Variants in GLIS3 observed in about 807,000 individuals in gnomAD.
GLIS3 encodes zinc finger protein GLIS3.
GLIS3 carries 53 observed loss-of-function variants against 78.6 expected under a neutral mutation model. The ratio of observed to expected loss-of-function variants is 0.67; its 90% CI spans 0.54 to 0.85. The LOEUF (loss-of-function observed/expected upper bound fraction) is 0.85. Ranked by LOEUF, GLIS3 falls within the 40% of genes least tolerant of loss-of-function variation. The probability of loss-of-function intolerance (pLI) is 0.00; values close to 1 mark genes in which losing one functional copy is unlikely to be tolerated. For synonymous variants in GLIS3, 684 were observed against 509.9 expected (o/e 1.34, Z -4.60); for missense variants, 1,703 against 1,231.1 (o/e 1.38, Z -5.74).
intron 2 of GLIS3, among the ~76,000 whole-genome samples, chr9:4,159,030 GAAGAAAAA>G (rs763739364): frequency 5.8e-4 from 46 of 79,100 alleles, no homozygotes; most frequent in Non-Finnish European, 9.1e-4. Flanking sequence ...GAAAGGAGAA[GAAGAAAAA>G]AAAAAAAAAA....
intron 2 of GLIS3, among the ~76,000 whole-genome samples, chr9:4,174,221 C>T (rs1816629966): frequency 1.3e-5 from 2 of 152,132 alleles, no homozygotes; most frequent in Admixed American, 1.3e-4. Context: ...CTTCATATTA[C>T]AATAAGCTGC....
chr9:3,983,318 G>A (rs963263260), intron 4 of GLIS3, among the ~76,000 whole-genome samples: 3 of 152,146 alleles, frequency 2.0e-5, no homozygotes, highest in Non-Finnish European at 4.4e-5. Flanking sequence ...GGAACTGTAA[G>A]TCCATTAAAC....
chr9:4,126,041 A>G, intron 2 of GLIS3, 100 bp from the exon 3 acceptor site: 2 of 895,776 alleles, frequency 2.2e-6, no homozygotes, highest in East Asian at 2.6e-5. Flanking sequence ...CTTTAGAGAC[A>G]GTCCTCAGAT....
At chr9:3,954,252 C>G (rs1816936063) in intron 4 of GLIS3, among the ~76,000 whole-genome samples, 1 of 152,176 alleles carries the variant, frequency 6.6e-6, no homozygotes, top group African/African-American at 2.4e-5. Context: ...TATGGTTTGT[C>G]ACTTAACACA....
At chr9:4,035,683 G>C (rs1415876595) in intron 4 of GLIS3, among the ~76,000 whole-genome samples, 1 of 151,912 alleles carries the variant, frequency 6.6e-6, no homozygotes, top group Non-Finnish European at 1.5e-5. Context: ...CACGGGTCAG[G>C]GATGGCCCCT....
intron 4 of GLIS3, among the ~76,000 whole-genome samples, chr9:3,951,629 G>A (rs973855239): frequency 4.6e-5 from 7 of 151,774 alleles, no homozygotes; most frequent in Admixed American, 1.3e-4. Flanking sequence ...GGGACCGACC[G>A]GTCCTCCTTA....
At chr9:4,160,153 G>T (rs1307634427) in intron 2 of GLIS3, among the ~76,000 whole-genome samples, 2 of 152,160 alleles carry the variant, frequency 1.3e-5, no homozygotes, top group Admixed American at 6.6e-5. Flanking sequence ...TCCGAAATTG[G>T]TCTATTTTGC....
At chr9:4,202,111 C>G (rs975787969) in intron 2 of GLIS3, among the ~76,000 whole-genome samples, 1 of 151,188 alleles carries the variant, frequency 6.6e-6, no homozygotes, top group African/African-American at 2.4e-5. Flanking sequence ...ACAGTATAGC[C>G]TGGGTGACAG....
At chr9:3,891,263 C>T (rs1248843932) in intron 7 of GLIS3, among the ~76,000 whole-genome samples, 1 of 152,138 alleles carries the variant, frequency 6.6e-6, no homozygotes, top group African/African-American at 2.4e-5. Flanking sequence ...CTCTTTATGT[C>T]ATTTAATCCA....
At chr9:4,079,795 A>G (rs1828394855) in intron 4 of GLIS3, among the ~76,000 whole-genome samples, 1 of 152,162 alleles carries the variant, frequency 6.6e-6, no homozygotes, top group African/African-American at 2.4e-5. Flanking sequence ...GGTTGCTGTA[A>G]TCATTCAAAG....
At chr9:4,105,313 T>C (rs1412241291) in intron 4 of GLIS3, among the ~76,000 whole-genome samples, 3 of 152,160 alleles carry the variant, frequency 2.0e-5, no homozygotes, top group African/African-American at 7.2e-5. Context: ...CTTGGCTAAG[T>C]GAGAATCCAA....
At chr9:3,859,190 T>C (rs773200106) in intron 8 of GLIS3, among the ~76,000 whole-genome samples, 19 of 152,172 alleles carry the variant, frequency 1.2e-4, no homozygotes, top group Non-Finnish European at 2.2e-4. Context: ...TCTGAGGTTA[T>C]TTATTTGGTG....
chr9:4,140,991 G>C (rs915962256), intron 2 of GLIS3, among the ~76,000 whole-genome samples: 14 of 152,060 alleles, frequency 9.2e-5, no homozygotes, highest in African/African-American at 3.4e-4. Context: ...GTAGAGACGG[G>C]GTTTCATCAT....
At chr9:3,927,075 G>A (rs1481694043) in intron 6 of GLIS3, among the ~76,000 whole-genome samples, 1 of 152,092 alleles carries the variant, frequency 6.6e-6, no homozygotes, top group Non-Finnish European at 1.5e-5. Flanking sequence ...TATTTATGTG[G>A]CTGATTTTCT....
intron 4 of GLIS3, among the ~76,000 whole-genome samples, chr9:4,068,465 AG>A (rs1386114977): frequency 6.6e-6 from 1 of 152,228 alleles, no homozygotes; most frequent in Non-Finnish European, 1.5e-5. Flanking sequence ...TATTTTATGT[AG>A]GCAAAGAAAA....
chr9:4,211,033 A>G (rs1411302672), intron 2 of GLIS3, among the ~76,000 whole-genome samples: 1 of 152,204 alleles, frequency 6.6e-6, no homozygotes, highest in Non-Finnish European at 1.5e-5. Context: ...CTGTCTTGCA[A>G]GGTTAGGCTG....
At chr9:4,098,393 G>A (rs1830122870) in intron 4 of GLIS3, among the ~76,000 whole-genome samples, 1 of 152,084 alleles carries the variant, frequency 6.6e-6, no homozygotes, top group Admixed American at 6.5e-5. Context: ...TGATATAGAA[G>A]GGACACCACT....
intron 3 of GLIS3, among the ~76,000 whole-genome samples, chr9:4,119,208 G>T (rs911483522): frequency 6.6e-6 from 1 of 152,146 alleles, no homozygotes; most frequent in African/African-American, 2.4e-5. Flanking sequence ...GGGGGAAAAA[G>T]GATAGAGACC....
chr9:4,232,377 T>C (rs1374310127), intron 2 of GLIS3, among the ~76,000 whole-genome samples: 2 of 87,774 alleles, frequency 2.3e-5, no homozygotes, highest in Non-Finnish European at 4.7e-5. Context: ...GCAGACCTTG[T>C]CTCTTAAAAA....
Sources: allele counts gnomAD v4.1 joint callset (sites outside exome capture counted in the v4.1 genomes callset), GRCh38; gene constraint gnomAD v4.1.1; transcripts MANE v1.5; gene names NCBI Gene and HGNC (gene_info 2026-07-23, HGNC 2026-07-21).